The following GNAS-AS1 variants were observed in gnomAD, a reference collection of about 807,000 sequenced individuals.
GNAS-AS1 encodes the protein GNAS antisense RNA 1 (non-protein coding).
At chr20:58,829,756 G>C (rs550270114) in intron 4 of GNAS-AS1, among the ~76,000 whole-genome samples, 32 of 152,214 alleles carry the variant, frequency 2.1e-4, no homozygotes, top group African/African-American at 7.2e-4. Flanking sequence ...ATATAGGGTG[G>C]CTTCTTCTGC....
At chr20:58,830,391 C>T (rs2085552238) in intron 4 of GNAS-AS1, among the ~76,000 whole-genome samples, 1 of 144,000 alleles carries the variant, frequency 6.9e-6, no homozygotes, top group Non-Finnish European at 1.5e-5. Flanking sequence ...ACAATCACCA[C>T]CACCATCACT....
chr20:58,823,281 C>T (rs989829442), intron 4 of GNAS-AS1, among the ~76,000 whole-genome samples: 1 of 152,228 alleles, frequency 6.6e-6, no homozygotes, highest in Non-Finnish European at 1.5e-5. Context: ...GCCTGTGCGT[C>T]CAATAAAAGC....
chr20:58,823,539 T>A (rs2085500203), intron 4 of GNAS-AS1, among the ~76,000 whole-genome samples: 1 of 152,168 alleles, frequency 6.6e-6, no homozygotes, highest in African/African-American at 2.4e-5. Flanking sequence ...CCCCCCCGTC[T>A]CCCGACCCCA....
In GNAS-AS1 at chr20:58,840,179, G is replaced by A. The variant is rs1230896240; in HGVS notation, n.819+1758C>T. On this transcript the variant is annotated intron_variant and non_coding_transcript_variant, in intron 4 of 4. Transcript: ENST00000424094. This position sits in a 1 kb window ranked among gnomAD's most constrained non-coding sequence, Gnocchi z 6.0. The stretch of plus-strand genomic sequence containing the variant: ...TTACAACGACCTGTGCCCGCCCATA[G>A]GCCGCCGGGCAGCCACCGCGCTCCT... The A allele has an allele frequency of 1.2e-6, 2 of 1,611,480 alleles. No individual in the cohort carries two copies. The highest frequency in any genetic ancestry group is 3.3e-5 in the Admixed American group (2 of 60,002).
At position 58,840,269 on chromosome 20, in the gene GNAS-AS1, C is replaced by T. The variant is rs375337259; in HGVS notation, n.819+1668G>A. On this transcript the variant is annotated intron_variant and non_coding_transcript_variant, in intron 4 of 4. Coordinates refer to ENST00000424094, the Ensembl canonical transcript of GNAS-AS1. This position sits in a 1 kb window ranked among gnomAD's most constrained non-coding sequence, Gnocchi z 6.0. ...CACCTCCAACGCCCGTGCCCAGCAGCGCGCGGCTGCCCAACAGCGCCGGAG... is the reference window on the plus strand; with the variant it reads ...CACCTCCAACGCCCGTGCCCAGCAGTGCGCGGCTGCCCAACAGCGCCGGAG... The T allele has an allele frequency of 1.5e-5, 24 of 1,611,892 alleles. No individual in the cohort carries two copies. Among genetic ancestry groups the T allele is most frequent in the Non-Finnish European group, 2.0e-5 (24 of 1,179,888 alleles).
chr20:58,844,685 A>AT (rs11481507), intron 2 of GNAS-AS1, among the ~76,000 whole-genome samples: 113,653 of 151,982 alleles, frequency 0.75, 42,864 homozygotes, highest in East Asian at 0.81. Flanking sequence ...TACACTAGTG[A>AT]TTTAACCCTA....
Position 58,840,649 on chromosome 20 carries a change from C to G in GNAS-AS1, n.819+1288G>C. 1 of 1,606,406 alleles carries G rather than the reference C, an allele frequency of 6.2e-7. No individual in the cohort carries two copies. The highest frequency in any genetic ancestry group is 1.1e-5 in the South Asian group (1 of 91,038). The stretch of plus-strand genomic sequence containing the variant: ...CCTCCCCAAGTCGCGCGCCGCCCAG[C>G]ACTCAGGAGCCCCAGAGCCCCAGGG... On this transcript the variant is annotated intron_variant and non_coding_transcript_variant, in intron 4 of 4. Coordinates refer to ENST00000424094, the Ensembl canonical transcript of GNAS-AS1. This position sits in a 1 kb window ranked among gnomAD's most constrained non-coding sequence, Gnocchi z 6.0.
At position 58,839,692 on chromosome 20, in the gene GNAS-AS1, G is replaced by A. The variant is rs1333806780; in HGVS notation, n.819+2245C>T. 1.2e-4 allele frequency: 57 copies of A among 466,734 alleles called. No homozygotes were observed. In the East Asian group the frequency reaches 1.6e-3, roughly 13 times the overall value. The allele number at this position is 466,734 out of a possible 1,614,324, so 28.9% of individuals were successfully genotyped here. A position where few individuals can be genotyped will look rare whatever the true frequency, so the allele number is the denominator to read the frequency against. ...CCCACCTCCTTACTGCACATGCCCG[G>A]CAGAAGTCCGGGCGCGCAACTTCGC... On this transcript the variant is annotated intron_variant and non_coding_transcript_variant, in intron 4 of 4. Transcript: ENST00000424094.
chr20:58,825,312 A>C (rs576170944), intron 4 of GNAS-AS1, among the ~76,000 whole-genome samples: 5 of 152,312 alleles, frequency 3.3e-5, no homozygotes, highest in African/African-American at 4.8e-5. Flanking sequence ...GTGTCCTAGA[A>C]GACCATCTCT....
chr20:58,819,360 G>A (rs1205225317), intron 4 of GNAS-AS1: 6 of 397,546 alleles, frequency 1.5e-5, no homozygotes, highest in Admixed American at 4.4e-5. Flanking sequence ...CGGCATGATC[G>A]CCTGCGGTCA....
At chr20:58,842,560 G>T (rs916470212) in intron 2 of GNAS-AS1, 4 of 398,502 alleles carry the variant, frequency 1.0e-5, no homozygotes, top group African/African-American at 6.2e-5. Context: ...TAAATACGGA[G>T]AAACTAGTTT....
intron 4 of GNAS-AS1, among the ~76,000 whole-genome samples, chr20:58,821,832 C>T (rs1026083041): frequency 2.0e-5 from 3 of 152,152 alleles, no homozygotes; most frequent in Admixed American, 6.5e-5. Flanking sequence ...ATTCTGAATA[C>T]GAATACGGAT....
chr20:58,843,614 T>C (rs187975222), intron 2 of GNAS-AS1, among the ~76,000 whole-genome samples: 1 of 152,324 alleles, frequency 6.6e-6, no homozygotes, highest in Non-Finnish European at 1.5e-5. Context: ...CATAGGTGAA[T>C]TACCAGCCAC....
At position 58,840,929 on chromosome 20, in the gene GNAS-AS1, G is replaced by T. The variant is rs539043629; in HGVS notation, n.819+1008C>A. On this transcript the variant is annotated intron_variant and non_coding_transcript_variant, in intron 4 of 4. Coordinates refer to ENST00000424094, the Ensembl canonical transcript of GNAS-AS1. The surrounding 1 kb of genome is among the most constrained non-coding windows in gnomAD (Gnocchi z 6.0). The stretch of plus-strand genomic sequence containing the variant: ...AAACTGGGGAGCCTGAGGGCGGTGT[G>T]GGAGCAGCGCAGGTGGAAAGGAGGT... 6.2e-7 allele frequency: 1 copy of T among 1,603,516 alleles called. No individual in the cohort carries two copies. Among genetic ancestry groups the T allele is most frequent in the African/African-American group, 1.3e-5 (1 of 74,850 alleles).
chr20:58,839,961 C>A, intron 4 of GNAS-AS1: 2 of 794,014 alleles, frequency 2.5e-6, no homozygotes, highest in South Asian at 1.6e-5. Context: ...CCCTTTTTCT[C>A]CTCACAAGGA....
intron 4 of GNAS-AS1, among the ~76,000 whole-genome samples, chr20:58,832,990 TC>T (rs1381264521): frequency 6.6e-6 from 1 of 152,202 alleles, no homozygotes; most frequent in East Asian, 1.9e-4. Flanking sequence ...CGGCTACAAC[TC>T]CTGTCCCAGA....
rs1040085351 is a variant in GNAS-AS1 at position 58,840,924 on chromosome 20, G to C, written n.819+1013C>G. On this transcript the variant is annotated intron_variant and non_coding_transcript_variant, in intron 4 of 4. Coordinates refer to ENST00000424094, the Ensembl canonical transcript of GNAS-AS1. The surrounding 1 kb of genome is among the most constrained non-coding windows in gnomAD (Gnocchi z 6.0). ...CCGCTAAACTGGGGAGCCTGAGGGC[G>C]GTGTGGGAGCAGCGCAGGTGGAAAG... 2 of 1,606,838 alleles carry C rather than the reference G, an allele frequency of 1.2e-6. No individual in the cohort carries two copies. Among genetic ancestry groups the C allele is most frequent in the Admixed American group, 1.7e-5 (1 of 59,436 alleles).
Position 58,840,436 on chromosome 20 carries a change from G to A in GNAS-AS1, n.819+1501C>T. The A allele has an allele frequency of 1.2e-6, 2 of 1,613,492 alleles. No individual in the cohort carries two copies. Among genetic ancestry groups the A allele is most frequent in the Non-Finnish European group, 1.7e-6 (2 of 1,179,840 alleles). On this transcript the variant is annotated intron_variant and non_coding_transcript_variant, in intron 4 of 4. Coordinates refer to ENST00000424094, the Ensembl canonical transcript of GNAS-AS1. This position sits in a 1 kb window ranked among gnomAD's most constrained non-coding sequence, Gnocchi z 6.0. ...AGTACGAGGAAGAGTTCGACTACGA[G>A]ACCGAGAGCGAGACCGAGTCCGAAA...
At chr20:58,830,167 A>G (rs2085545025) in intron 4 of GNAS-AS1, among the ~76,000 whole-genome samples, 1 of 148,712 alleles carries the variant, frequency 6.7e-6, no homozygotes, top group Non-Finnish European at 1.5e-5. Context: ...CACCACTGCT[A>G]TACCACTATC....
Sources: allele counts gnomAD v4.1 joint callset (sites outside exome capture counted in the v4.1 genomes callset), GRCh38; gene constraint gnomAD v4.1.1; non-coding constraint Gnocchi (gnomAD v3.1); transcripts MANE v1.5; gene names NCBI Gene and HGNC (gene_info 2026-07-23, HGNC 2026-07-21).